The following TMEM135 variants were observed in gnomAD, a reference collection of about 807,000 sequenced individuals.
TMEM135 encodes the protein peroxisomal membrane protein 52.
TMEM135 carries 30 observed loss-of-function variants against 60.3 expected under a neutral mutation model. The ratio of observed to expected loss-of-function variants is 0.50; its 90% CI spans 0.37 to 0.68. The LOEUF is 0.68. Ranked by LOEUF, TMEM135 falls within the 30% of genes least tolerant of loss-of-function variation. TMEM135 has a pLI of 0.00. For synonymous variants in TMEM135, 190 were observed against 186.7 expected (o/e 1.02, Z -0.14); for missense variants, 468 against 548.8 (o/e 0.85, Z 1.47).
chr11:87,237,843 A>T (rs1411688749), intron 6 of TMEM135, among the ~76,000 whole-genome samples: 1 of 151,178 alleles, frequency 6.6e-6, no homozygotes, highest in East Asian at 1.9e-4. Context: ...TCTGGTAACC[A>T]TCATTCTACT....
At chr11:87,230,427 T>C (rs301580) in intron 5 of TMEM135, among the ~76,000 whole-genome samples, 55,748 of 151,892 alleles carry the variant, frequency 0.37, 12,434 homozygotes, top group Non-Finnish European at 0.51. Context: ...TTTTTTCAAG[T>C]TAAAAATTAC....
intron 4 of TMEM135, among the ~76,000 whole-genome samples, chr11:87,136,132 A>G (rs754735835): frequency 2.0e-5 from 3 of 151,992 alleles, no homozygotes; most frequent in Non-Finnish European, 4.4e-5. Flanking sequence ...TATGTTTCAT[A>G]GTATCCTCTA....
At chr11:87,245,638 T>C (rs1022293673) in intron 6 of TMEM135, among the ~76,000 whole-genome samples, 2 of 137,612 alleles carry the variant, frequency 1.5e-5, no homozygotes, top group African/African-American at 5.6e-5. Context: ...TTTTTGTTGG[T>C]TTAAAGTCTG....
chr11:87,265,972 C>T (rs867563032), intron 6 of TMEM135, among the ~76,000 whole-genome samples: 1 of 152,088 alleles, frequency 6.6e-6, no homozygotes, highest in Admixed American at 6.6e-5. Flanking sequence ...AGCCTTACAG[C>T]TAAAAGGTTT....
rs1942896447 is a variant in TMEM135, at chr11:87,325,298, A to G, written c.*3965A>G. The G allele has an allele frequency of 2.2e-6, 1 of 454,096 alleles. No individual in the cohort carries two copies. Among genetic ancestry groups the G allele is most frequent in the Non-Finnish European group, 4.4e-6 (1 of 226,780 alleles). The allele number at this position is 454,096 out of a possible 1,614,324, so 28.1% of individuals were successfully genotyped here. On this transcript the variant is annotated 3_prime_UTR_variant, in exon 15 of 15. Coordinates refer to ENST00000305494, the MANE Select transcript of TMEM135 (RefSeq NM_022918.4). ...TGACTTCTGGAAACAGAAGTGGGGCAGTAAGTTGGCCATGATATAGCTAGT... is the reference window on the plus strand; with the variant it reads ...TGACTTCTGGAAACAGAAGTGGGGCGGTAAGTTGGCCATGATATAGCTAGT...
At chr11:87,090,625 T>A (rs1857186037) in intron 3 of TMEM135, among the ~76,000 whole-genome samples, 1 of 152,174 alleles carries the variant, frequency 6.6e-6, no homozygotes, top group African/African-American at 2.4e-5. Context: ...TAAAACCTAT[T>A]GAAGACATTT....
chr11:87,044,753 C>T (rs1407141834), intron 1 of TMEM135, among the ~76,000 whole-genome samples: 3 of 151,972 alleles, frequency 2.0e-5, no homozygotes, highest in Admixed American at 6.6e-5. Context: ...TGGGGTCACG[C>T]CCTTCTCCTG....
intron 4 of TMEM135, among the ~76,000 whole-genome samples, chr11:87,132,091 G>A (rs1300049176): frequency 1.3e-5 from 2 of 152,092 alleles, no homozygotes; most frequent in Non-Finnish European, 2.9e-5. Context: ...ATTGTGGTGA[G>A]TGTATAATTA....
rs774540515 is a variant in TMEM135 at position 87,309,490 on chromosome 11, C to G, written c.769-15C>G. 1.2e-6 allele frequency: 2 copies of G among 1,613,294 alleles called. No individual in the cohort carries two copies. The highest frequency in any genetic ancestry group is 1.7e-6 in the Non-Finnish European group (2 of 1,179,496). Reference sequence around the variant, plus strand: ...ATTTGTTTGTAAATCAGGTTTTTCTCCAAATTTCCTCTAGGGTTTCATCAG... The same window carrying G: ...ATTTGTTTGTAAATCAGGTTTTTCTGCAAATTTCCTCTAGGGTTTCATCAG... On this transcript the variant is annotated splice_polypyrimidine_tract_variant and intron_variant, in intron 9 of 14. Coordinates refer to ENST00000305494, the MANE Select transcript of TMEM135 (RefSeq NM_022918.4).
intron 6 of TMEM135, among the ~76,000 whole-genome samples, chr11:87,282,917 A>G (rs1054157642): frequency 6.6e-6 from 1 of 152,050 alleles, no homozygotes; most frequent in Non-Finnish European, 1.5e-5. Flanking sequence ...GACTCTCCCA[A>G]TTTCTATTAT....
chr11:87,171,953 A>G (rs2135290101), intron 5 of TMEM135, among the ~76,000 whole-genome samples: 1 of 152,230 alleles, frequency 6.6e-6, no homozygotes, highest in Non-Finnish European at 1.5e-5. Context: ...TCAGGCAGTA[A>G]TGCTCGCTTG....
intron 14 of TMEM135, 134 bp downstream of exon 14, chr11:87,319,511 G>A (rs1036387922): frequency 5.4e-5 from 36 of 666,722 alleles, no homozygotes; most frequent in East Asian, 2.0e-4. Context: ...AACATGGGGC[G>A]TTTTTTGAGT....
At chr11:87,075,898 C>G (rs1856861131) in intron 3 of TMEM135, among the ~76,000 whole-genome samples, 2 of 152,104 alleles carry the variant, frequency 1.3e-5, no homozygotes, top group African/African-American at 4.8e-5. Context: ...GTCTCTCTCT[C>G]TCTCTCTGTG....
chr11:87,066,419 C>CTATAT (rs1439240255), intron 1 of TMEM135, among the ~76,000 whole-genome samples: 2 of 152,096 alleles, frequency 1.3e-5, no homozygotes, highest in African/African-American at 4.8e-5. Flanking sequence ...AACACTTAAT[C>CTATAT]AGTCCTCAGT....
intron 5 of TMEM135, among the ~76,000 whole-genome samples, chr11:87,196,493 T>C (rs192248639): frequency 1.2e-3 from 188 of 152,300 alleles, no homozygotes; most frequent in African/African-American, 4.3e-3. Context: ...GCAAATCTTT[T>C]GGTCCTAAAA....
At chr11:87,271,801 C>T (rs1228805761) in intron 6 of TMEM135, among the ~76,000 whole-genome samples, 1 of 151,762 alleles carries the variant, frequency 6.6e-6, no homozygotes, top group Non-Finnish European at 1.5e-5. Context: ...CTGAGCTTGG[C>T]AGCATGCGCT....
At chr11:87,110,749 T>C (rs1387385491) in intron 4 of TMEM135, among the ~76,000 whole-genome samples, 1 of 152,112 alleles carries the variant, frequency 6.6e-6, no homozygotes, top group African/African-American at 2.4e-5. Flanking sequence ...TTGACTGCTT[T>C]TTAAAGGAAT....
At chr11:87,247,289 C>CTCGGGGG in intron 6 of TMEM135, among the ~76,000 whole-genome samples, 1 of 152,320 alleles carries the variant, frequency 6.6e-6, no homozygotes, top group Non-Finnish European at 1.5e-5. Flanking sequence ...AGTTAGGCTG[C>CTCGGGGG]TCGGGGGTCA....
intron 1 of TMEM135, among the ~76,000 whole-genome samples, chr11:87,059,111 T>A (rs1037539360): frequency 3.3e-5 from 5 of 151,746 alleles, no homozygotes; most frequent in Non-Finnish European, 7.4e-5. Context: ...CTAATTTTTG[T>A]ATTTTTGTGG....
Sources: allele counts gnomAD v4.1 joint callset (sites outside exome capture counted in the v4.1 genomes callset), GRCh38; gene constraint gnomAD v4.1.1; transcripts MANE v1.5; gene names NCBI Gene and HGNC (gene_info 2026-07-23, HGNC 2026-07-21).